ARL15: variants seen among roughly 807,000 people sequenced by gnomAD.
The protein encoded by ARL15 is ADP-ribosylation factor-like protein 15.
In ARL15, 19 loss-of-function variants were observed where a neutral mutation model predicts 25.2. That is an observed-to-expected ratio of 0.75 (90% confidence interval 0.53 to 1.10). ARL15 has a LOEUF of 1.10. Ranked by LOEUF, ARL15 falls within the 50% of genes least tolerant of loss-of-function variation. The probability of loss-of-function intolerance (pLI) is 0.00; values close to 1 mark genes in which losing one functional copy is unlikely to be tolerated. For missense variants in ARL15, 220 were observed against 246.0 expected (o/e 0.89, Z 0.71); for synonymous variants, 94 against 86.8 (o/e 1.08, Z -0.46).
chr5:53,907,083 A>C (rs1453187471), intron 4 of ARL15, among the ~76,000 whole-genome samples: 1 of 152,070 alleles, frequency 6.6e-6, no homozygotes, highest in Non-Finnish European at 1.5e-5. Flanking sequence ...GTTTCCATGC[A>C]AGGATGGCCA....
intron 3 of ARL15, among the ~76,000 whole-genome samples, chr5:54,135,481 A>C (rs1220672361): frequency 6.6e-6 from 1 of 152,242 alleles, no homozygotes; most frequent in Non-Finnish European, 1.5e-5. Flanking sequence ...GTGATCCTTC[A>C]GAATACATGA....
intron 2 of ARL15, among the ~76,000 whole-genome samples, chr5:54,170,951 T>A (rs1057472049): frequency 6.6e-6 from 1 of 152,166 alleles, no homozygotes; most frequent in Non-Finnish European, 1.5e-5. Flanking sequence ...CCTTCTCAGC[T>A]CTCTCTGCAC....
At chr5:54,196,471 C>T (rs1229188519) in intron 1 of ARL15, among the ~76,000 whole-genome samples, 1 of 152,018 alleles carries the variant, frequency 6.6e-6, no homozygotes, top group East Asian at 1.9e-4. Flanking sequence ...TTTCTCATCC[C>T]AATAATGGGA....
At chr5:54,026,068 G>C (rs1243062504) in intron 4 of ARL15, among the ~76,000 whole-genome samples, 1 of 152,088 alleles carries the variant, frequency 6.6e-6, no homozygotes, top group Admixed American at 6.5e-5. Flanking sequence ...ATAATTTCAT[G>C]CGTTAAATCA....
chr5:53,990,512 A>G (rs577496830), intron 4 of ARL15, among the ~76,000 whole-genome samples: 24 of 152,314 alleles, frequency 1.6e-4, no homozygotes, highest in African/African-American at 5.8e-4. Context: ...TTCATTCCCA[A>G]CAGGATCAAA....
chr5:54,241,352 C>T (rs185691284), intron 1 of ARL15, among the ~76,000 whole-genome samples: 9 of 152,082 alleles, frequency 5.9e-5, no homozygotes, highest in African/African-American at 1.7e-4. Flanking sequence ...AAAAATATCA[C>T]CCTGTATGTC....
chr5:54,238,051 G>A (rs1235468702), intron 1 of ARL15, among the ~76,000 whole-genome samples: 14 of 152,158 alleles, frequency 9.2e-5, no homozygotes, highest in Admixed American at 9.2e-4. Flanking sequence ...TAGGGGCAGG[G>A]AAGAGCATTC....
intron 4 of ARL15, among the ~76,000 whole-genome samples, chr5:54,025,287 C>CAAAAAAAAAA (rs756211559): frequency 8.7e-5 from 7 of 80,160 alleles, no homozygotes; most frequent in African/African-American, 1.2e-4. Context: ...ACAAAGGGAC[C>CAAAAAAAAAA]AAAAAAAAAA....
chr5:53,907,073 G>A (rs1745267973), intron 4 of ARL15, among the ~76,000 whole-genome samples: 1 of 152,042 alleles, frequency 6.6e-6, no homozygotes, highest in African/African-American at 2.4e-5. Flanking sequence ...GTTACTTTAA[G>A]TTTCCATGCA....
At chr5:53,889,373 A>T (rs1393387642) in intron 4 of ARL15, among the ~76,000 whole-genome samples, 1 of 152,254 alleles carries the variant, frequency 6.6e-6, no homozygotes, top group Non-Finnish European at 1.5e-5. Flanking sequence ...CTGAAAATAT[A>T]GTCTATCACA....
intron 4 of ARL15, among the ~76,000 whole-genome samples, chr5:53,938,549 G>A (rs1407364174): frequency 2.0e-5 from 3 of 152,152 alleles, no homozygotes; most frequent in African/African-American, 4.8e-5. Context: ...AATTCTGGCC[G>A]GGTGCTGTGG....
chr5:54,131,047 G>A (rs1441199487), intron 3 of ARL15, among the ~76,000 whole-genome samples: 1 of 152,174 alleles, frequency 6.6e-6, no homozygotes, highest in Non-Finnish European at 1.5e-5. Flanking sequence ...CAGAAGTGCT[G>A]AGATCCCTGT....
intron 1 of ARL15, among the ~76,000 whole-genome samples, chr5:54,199,137 A>C (rs1437991226): frequency 6.6e-6 from 1 of 152,226 alleles, no homozygotes; most frequent in East Asian, 1.9e-4. Flanking sequence ...ATCTTATACA[A>C]AAATCAATTC....
chr5:54,268,561 A>T (rs1366312622), intron 1 of ARL15, among the ~76,000 whole-genome samples: 1 of 151,970 alleles, frequency 6.6e-6, no homozygotes, highest in Non-Finnish European at 1.5e-5. Context: ...TAGAGTTTCC[A>T]GTTTTTCTGC....
chr5:54,286,193 A>G (rs1390360634), intron 1 of ARL15: 2 of 152,196 alleles, frequency 1.3e-5, no homozygotes, highest in Non-Finnish European at 2.9e-5. Flanking sequence ...CTCAGCATAT[A>G]TTTTATAGCT....
chr5:54,258,094 C>T lies in ARL15; in HGVS notation c.48+52338G>A, dbSNP rs549671152. 7.3e-5 allele frequency among the ~76,000 whole-genome samples: 11 copies of T among 149,764 alleles called. No individual in the cohort carries two copies. The South Asian group carries it at 1.3e-3, about 17-fold the overall frequency. Reference sequence around the variant, plus strand: ...CTGTAATCCCAGCACTGAGGGAGGCCGAGAGGCAGGAGGATCGCTTGAGTC... The same window carrying T: ...CTGTAATCCCAGCACTGAGGGAGGCTGAGAGGCAGGAGGATCGCTTGAGTC... On this transcript the variant is annotated intron_variant, in intron 1 of 4. Coordinates refer to ENST00000504924, the MANE Select transcript of ARL15 (RefSeq NM_019087.3).
Position 53,887,340 on chromosome 5 carries a change from G to A in ARL15, c.463-627C>T, listed in dbSNP as rs185559426. The A allele has an allele frequency of 5.7e-5, 40 of 700,002 alleles. 1 individual carries two copies. The highest frequency in any genetic ancestry group is 5.1e-4 in the East Asian group (19 of 37,144). 43.4% of individuals were successfully genotyped at this position (700,002 alleles called of 1,614,324 possible). On this transcript the variant is annotated intron_variant, in intron 4 of 4. Transcript: ENST00000504924. ...CACTTACATAAATTTACATATATGCGTAAAATCTTCTACCTTTTTTTTTCT... is the reference window on the plus strand; with the variant it reads ...CACTTACATAAATTTACATATATGCATAAAATCTTCTACCTTTTTTTTTCT...
intron 4 of ARL15, among the ~76,000 whole-genome samples, chr5:53,929,255 T>C (rs1036109770): frequency 7.9e-5 from 12 of 152,078 alleles, no homozygotes; most frequent in Admixed American, 6.6e-4. Context: ...AGGGTAAATA[T>C]TATTTTTCCC....
chr5:53,996,413 G>A (rs1002316136), intron 4 of ARL15, among the ~76,000 whole-genome samples: 15 of 152,232 alleles, frequency 9.9e-5, no homozygotes, highest in Admixed American at 7.2e-4. Flanking sequence ...GAGGTCTGGA[G>A]TTCAAGACCA....
Sources: allele counts gnomAD v4.1 joint callset (sites outside exome capture counted in the v4.1 genomes callset), GRCh38; gene constraint gnomAD v4.1.1; transcripts MANE v1.5; gene names NCBI Gene and HGNC (gene_info 2026-07-23, HGNC 2026-07-21).